The following SFXN1 variants were observed in gnomAD, a reference collection of about 807,000 sequenced individuals.
SFXN1 encodes sideroflexin 1.
A neutral mutation model predicts 39.5 loss-of-function variants in SFXN1; 32 were observed. The ratio of observed to expected loss-of-function variants is 0.81; its 90% CI spans 0.61 to 1.09. The LOEUF is 1.09. Among genes scored for constraint, SFXN1 ranks in the 50% least tolerant of loss-of-function variants. The pLI is 0.00. For missense variants in SFXN1, 402 were observed against 407.1 expected (o/e 0.99, Z 0.11); for synonymous variants, 136 against 146.5 (o/e 0.93, Z 0.52).
intron 2 of SFXN1, among the ~76,000 whole-genome samples, chr5:175,505,099 A>G (rs1022177306): frequency 1.3e-5 from 2 of 152,202 alleles, no homozygotes; most frequent in Non-Finnish European, 2.9e-5. Flanking sequence ...TGATGAAAAC[A>G]TTTGGAATCA....
chr5:175,491,035 C>A (rs113471302), intron 1 of SFXN1, among the ~76,000 whole-genome samples: 1 of 152,004 alleles, frequency 6.6e-6, no homozygotes, highest in Non-Finnish European at 1.5e-5. Context: ...TTGTATTTTT[C>A]GGAATACCAC....
At chr5:175,480,218 G>C (rs1255576108) in intron 1 of SFXN1, among the ~76,000 whole-genome samples, 1 of 152,154 alleles carries the variant, frequency 6.6e-6, no homozygotes, top group Non-Finnish European at 1.5e-5. Flanking sequence ...TGGCTAAGCC[G>C]GTGAAACCCC....
chr5:175,501,955 G>A (rs1253351977), intron 2 of SFXN1, among the ~76,000 whole-genome samples: 1 of 152,178 alleles, frequency 6.6e-6, no homozygotes, highest in African/African-American at 2.4e-5. Flanking sequence ...CAGTCTCCCC[G>A]ACTGATTCGG....
intron 2 of SFXN1, among the ~76,000 whole-genome samples, chr5:175,503,952 G>A (rs1042859817): frequency 5.6e-5 from 8 of 143,952 alleles, no homozygotes; most frequent in East Asian, 4.2e-4. Context: ...TGCAGTAGCC[G>A]AGATTGCGCC....
intron 2 of SFXN1, among the ~76,000 whole-genome samples, chr5:175,501,517 C>T (rs1246124456): frequency 6.6e-6 from 1 of 152,160 alleles, no homozygotes; most frequent in South Asian, 2.1e-4. Context: ...AAATGCAATT[C>T]ACAGACAAGG....
Position 175,526,910 on chromosome 5 carries a change from G to T in SFXN1, c.*176G>T. Reference sequence around the variant, plus strand: ...ACAGAGCACCTGGCGTGGGCCAAGTGCCTGATACTCCCTTACACTGAATCA... The same window carrying T: ...ACAGAGCACCTGGCGTGGGCCAAGTTCCTGATACTCCCTTACACTGAATCA... On this transcript the variant is annotated 3_prime_UTR_variant, in exon 11 of 11. Coordinates refer to ENST00000321442, the MANE Select transcript of SFXN1 (RefSeq NM_022754.7). The T allele has an allele frequency of 1.6e-6, 1 of 612,610 alleles. No individual in the cohort carries two copies. The highest frequency in any genetic ancestry group is 2.9e-6 in the Non-Finnish European group (1 of 343,924). 37.9% of individuals were successfully genotyped at this position (612,610 alleles called of 1,614,324 possible). A position where few individuals can be genotyped will look rare whatever the true frequency, so the allele number is the denominator to read the frequency against.
intron 1 of SFXN1, among the ~76,000 whole-genome samples, chr5:175,481,604 G>A (rs1040803655): frequency 2.0e-5 from 3 of 152,174 alleles, no homozygotes; most frequent in Admixed American, 6.5e-5. Flanking sequence ...GTGAGCCACC[G>A]CGCCTGGCAC....
intron 1 of SFXN1, among the ~76,000 whole-genome samples, chr5:175,487,324 C>T (rs916157438): frequency 3.3e-5 from 5 of 152,234 alleles, no homozygotes; most frequent in African/African-American, 9.6e-5. Context: ...GCACTAGCAG[C>T]TTTGCAGGAA....
At chr5:175,479,002 C>T (rs2662195) in intron 1 of SFXN1, among the ~76,000 whole-genome samples, 1 of 152,308 alleles carries the variant, frequency 6.6e-6, no homozygotes, top group African/African-American at 2.4e-5. Context: ...ACCAAGATGG[C>T]TGCCTCGGGG....
At position 175,526,712 on chromosome 5, in the gene SFXN1, T is replaced by C; in HGVS notation, c.947T>C (p.Val316Ala). The change falls in exon 11 of 11, where the codon GTG becomes GCG. Residue 316 changes from valine to alanine, a missense_variant. Physicochemically the swap from Val to Ala is moderately conservative, Grantham distance 64 (BLOSUM62 0). Coordinates refer to ENST00000321442, the MANE Select transcript of SFXN1 (RefSeq NM_022754.7). ...GAGAGCCATCCTGAATTGCGACGCG[T>C]GTACTTCAATAAGGGATTGTAAAGC... ...IQESHPELRR[V>A]YFNKGL The C allele has an allele frequency of 6.2e-7, 1 of 1,614,202 alleles. No homozygotes were observed. Among genetic ancestry groups the C allele is most frequent in the East Asian group, 2.2e-5 (1 of 44,886 alleles).
intron 1 of SFXN1, among the ~76,000 whole-genome samples, chr5:175,485,483 C>T (rs1428365832): frequency 6.6e-6 from 1 of 152,146 alleles, no homozygotes; most frequent in Non-Finnish European, 1.5e-5. Flanking sequence ...GCCTCTTCTG[C>T]CTCCTTCCAT....
At chr5:175,499,708 G>A (rs1010705232) in intron 2 of SFXN1, among the ~76,000 whole-genome samples, 4 of 152,206 alleles carry the variant, frequency 2.6e-5, no homozygotes, top group Admixed American at 1.3e-4. Context: ...GTATGAATAC[G>A]TTCCTCCTAA....
intron 2 of SFXN1, among the ~76,000 whole-genome samples, chr5:175,503,215 A>G (rs948548814): frequency 3.3e-5 from 5 of 152,210 alleles, no homozygotes; most frequent in African/African-American, 1.2e-4. Context: ...GATGACTTTT[A>G]TGGTATTTAA....
intron 2 of SFXN1, among the ~76,000 whole-genome samples, chr5:175,500,235 A>G (rs1760021585): frequency 6.6e-6 from 1 of 152,102 alleles, no homozygotes; most frequent in African/African-American, 2.4e-5. Context: ...TGGGTTTAGT[A>G]AGGTTACAAG....
rs373328944 is a variant in SFXN1 at position 175,493,070 on chromosome 5, G to A, written c.164+803G>A. ...AGATCGAGACCATCCTGGCTAACAC[G>A]GTGAAACCCCGTCTCTACTAAAAAT... On this transcript the variant is annotated intron_variant, in intron 2 of 10. Transcript: ENST00000321442. Among the ~76,000 whole-genome samples the A allele has an allele frequency of 4.7e-4, 71 of 152,192 alleles. No individual in the cohort carries two copies. The East Asian group carries it at 0.013, about 27-fold the overall frequency.
Position 175,526,656 on chromosome 5 carries a change from C to G in SFXN1, c.891C>G (p.Ser297Arg). 6.2e-7 allele frequency: 1 copy of G among 1,614,174 alleles called. No individual in the cohort carries two copies. The highest frequency in any genetic ancestry group is 1.6e-4 in the Middle Eastern group (1 of 6,062). Residue 297 changes from serine (S) to arginine (R), a missense_variant, in exon 11 of 11, where the codon AGC becomes AGG. Coordinates refer to ENST00000321442, the MANE Select transcript of SFXN1 (RefSeq NM_022754.7). ...FPQKSSMSVT[S>R]LEAELQAKIQ... ...ATCCCAGTTCCATGTCTGTGACAAG[C>G]TTGGAGGCCGAGTTGCAAGCTAAGA...
intron 4 of SFXN1, among the ~76,000 whole-genome samples, chr5:175,510,700 A>G (rs1326190132): frequency 1.3e-5 from 2 of 152,206 alleles, no homozygotes; most frequent in Admixed American, 6.5e-5. Flanking sequence ...AGTCCAAAAG[A>G]AAGCAATGAG....
chr5:175,520,426 G>T (rs144298454), intron 8 of SFXN1, among the ~76,000 whole-genome samples: 1 of 152,124 alleles, frequency 6.6e-6, no homozygotes, highest in Non-Finnish European at 1.5e-5. Context: ...TTGCAAGGTA[G>T]GGGTGAATAA....
chr5:175,499,257 G>C (rs1403227652), intron 2 of SFXN1, among the ~76,000 whole-genome samples: 1 of 136,842 alleles, frequency 7.3e-6, no homozygotes, highest in Non-Finnish European at 1.6e-5. Flanking sequence ...TCTGTCTCAA[G>C]AAAAAAAAAA....
Sources: gnomAD v4.1 joint callset for allele counts (sites outside exome capture counted in the v4.1 genomes callset) on GRCh38, gnomAD v4.1.1 for gene constraint, MANE v1.5 for transcripts, NCBI Gene and HGNC (gene_info 2026-07-23, HGNC 2026-07-21) for gene names.